Variants in MYH9 observed in about 807,000 individuals in gnomAD.
MYH9 encodes myosin heavy chain 9, also known as myosin-9.
In MYH9, 29 loss-of-function variants were observed where a neutral mutation model predicts 241.9. That is an observed-to-expected ratio of 0.12 (90% confidence interval 0.09 to 0.16). The LOEUF is 0.16. Ranked by LOEUF, MYH9 falls within the 10% of genes least tolerant of loss-of-function variation. MYH9 has a pLI of 1.00. For missense variants in MYH9, 1,803 were observed against 2,595.5 expected, an observed-to-expected ratio of 0.69 and a Z score of 6.63; for synonymous variants, 1,047 against 1,062.6, an observed-to-expected ratio of 0.99 and a Z score of 0.29.
At position 36,320,676 on chromosome 22, in the gene MYH9, A is replaced by T; in HGVS notation, c.868+122T>A. The stretch of plus-strand genomic sequence containing the variant: ...GGCGCAGAGAACAGGAGTCACTCTC[A>T]CTTCTCCCCGTTAAACCCAAGGCCA... On this transcript the variant is annotated intron_variant, in intron 8 of 40. Transcript: ENST00000216181. This position sits in a 1 kb window ranked among gnomAD's most constrained non-coding sequence, Gnocchi z 4.8. 1.2e-6 allele frequency: 1 copy of T among 828,972 alleles called. No homozygotes were observed. Among genetic ancestry groups the T allele is most frequent in the Non-Finnish European group, 2.0e-6 (1 of 500,940 alleles). 51.4% of individuals were successfully genotyped at this position (828,972 alleles called of 1,614,324 possible).
intron 11 of MYH9, among the ~76,000 whole-genome samples, chr22:36,317,491 A>G (rs945924580): frequency 5.3e-5 from 8 of 152,216 alleles, no homozygotes; most frequent in African/African-American, 1.4e-4. Context: ...TGTCTTTTGA[A>G]AACAACAGTC....
At chr22:36,357,348 GA>G in intron 1 of MYH9, among the ~76,000 whole-genome samples, 1 of 152,330 alleles carries the variant, frequency 6.6e-6, no homozygotes, top group Non-Finnish European at 1.5e-5. Flanking sequence ...CGTACAGGAA[GA>G]AGGTACGATC....
intron 13 of MYH9, among the ~76,000 whole-genome samples, chr22:36,313,762 G>A (rs757401574): frequency 1.1e-4 from 17 of 152,166 alleles, no homozygotes; most frequent in African/African-American, 1.7e-4. Context: ...AAAGCAGCCC[G>A]CGATAGGGCC....
At chr22:36,324,745 A>C (rs2017309004) in intron 5 of MYH9, among the ~76,000 whole-genome samples, 1 of 152,218 alleles carries the variant, frequency 6.6e-6, no homozygotes, top group African/African-American at 2.4e-5. Flanking sequence ...TGACAGCCTG[A>C]GCTATGACTG....
chr22:36,293,141 T>C lies in MYH9; in HGVS notation c.4095+188A>G, dbSNP rs144610935. ...ATAGTGAAAATAGTGGTGTCCCCCATCTAAGTCCACAGATCCCTGGATTCC... is the reference window on the plus strand; with the variant it reads ...ATAGTGAAAATAGTGGTGTCCCCCACCTAAGTCCACAGATCCCTGGATTCC... On this transcript the variant is annotated intron_variant, in intron 30 of 40. Coordinates refer to ENST00000216181, the MANE Select transcript of MYH9 (RefSeq NM_002473.6). The surrounding 1 kb of genome is among the most constrained non-coding windows in gnomAD (Gnocchi z 5.1). 7.7e-4 allele frequency among the ~76,000 whole-genome samples: 118 copies of C among 152,352 alleles called. No homozygotes were observed. The highest frequency in any genetic ancestry group is 1.6e-3 in the Non-Finnish European group (109 of 68,036).
At position 36,284,385 on chromosome 22, in the gene MYH9, C is replaced by T; in HGVS notation, c.5592+18G>A. On this transcript the variant is annotated intron_variant, in intron 39 of 40. Coordinates refer to ENST00000216181, the MANE Select transcript of MYH9 (RefSeq NM_002473.6). ...CCCAGCCCCGCTGCCCTTCTCACTG[C>T]CCCACCAGCGCCCACACCTGGTCCT... The T allele has an allele frequency of 6.2e-7, 1 of 1,610,808 alleles. No homozygotes were observed. Among genetic ancestry groups the T allele is most frequent in the Non-Finnish European group, 8.5e-7 (1 of 1,179,770 alleles).
In MYH9 at chr22:36,328,783, G is replaced by T. The variant is rs1288061580; in HGVS notation, c.491-1295C>A. The T allele has an allele frequency of 2.6e-5, 4 of 152,388 alleles. 1 individual carries two copies. The highest frequency in any genetic ancestry group is 9.6e-5 in the African/African-American group (4 of 41,596). 9.4% of individuals were successfully genotyped at this position (152,388 alleles called of 1,614,324 possible). On this transcript the variant is annotated intron_variant, in intron 3 of 40. Coordinates refer to ENST00000216181, the MANE Select transcript of MYH9 (RefSeq NM_002473.6). ...TGGGTGGAAACACGGATTCAGCGAC[G>T]TGTGAAGGACACACTGAGTGGCTCG...
At position 36,320,269 on chromosome 22, in the gene MYH9, C is replaced by T; in HGVS notation, c.963G>A (p.Glu321=). 1 of 1,614,238 alleles carries T rather than the reference C, an allele frequency of 6.2e-7. No homozygotes were observed. The highest frequency in any genetic ancestry group is 8.5e-7 in the Non-Finnish European group (1 of 1,180,042). ...PGQQDKDMFQ[E]TMEAMRIMGI... is the part of the protein sequence containing the mutation. Reference sequence around the variant, plus strand: ...CCATAATCCTCATGGCCTCCATGGTCTCCTGGAACATGTCCTTGTCCTGCT... The same window carrying T: ...CCATAATCCTCATGGCCTCCATGGTTTCCTGGAACATGTCCTTGTCCTGCT... Residue 321 remains glutamate, a synonymous_variant, in exon 9 of 41, where the codon GAG becomes GAA. Transcript: ENST00000216181. This position sits in a 1 kb window ranked among gnomAD's most constrained non-coding sequence, Gnocchi z 4.8.
At chr22:36,380,441 T>TA (rs1424132010) in intron 1 of MYH9, among the ~76,000 whole-genome samples, 1 of 151,960 alleles carries the variant, frequency 6.6e-6, no homozygotes. Context: ...GACCCCAAGT[T>TA]AAAAAAGAAG....
chr22:36,316,035 C>CTTT (rs144026849), intron 12 of MYH9, among the ~76,000 whole-genome samples: 10 of 116,954 alleles, frequency 8.6e-5, no homozygotes, highest in Non-Finnish European at 1.0e-4. Context: ...GAGACCCTGA[C>CTTT]TTTTTTTTTT....
chr22:36,319,745 AC>A (rs1197000665), intron 9 of MYH9, 110 bp from the exon 10 acceptor site: 61 of 1,074,828 alleles, frequency 5.7e-5, no homozygotes, highest in Non-Finnish European at 7.8e-5. Flanking sequence ...AAGCAGGGAC[AC>A]CCCCCAACTC....
chr22:36,324,430 C>A (rs1287544192), intron 5 of MYH9, among the ~76,000 whole-genome samples: 1 of 152,276 alleles, frequency 6.6e-6, no homozygotes, highest in African/African-American at 2.4e-5. Flanking sequence ...AGCTCGTACA[C>A]AAATAACAGA....
intron 12 of MYH9, 23 bp from the exon 13 acceptor site, chr22:36,314,341 C>T (rs748835332): frequency 1.9e-6 from 3 of 1,613,446 alleles, no homozygotes; most frequent in Non-Finnish European, 2.5e-6. Context: ...AAAACAATGT[C>T]AGAGAGACGC....
chr22:36,312,284 A>G lies in MYH9; in HGVS notation c.1555-62T>C. ...CCTGGGAGGGGCACCCCACCCTTCA[A>G]GAAGCCAAAGCCCGGACATCAGAAT... is the stretch of plus-strand genomic sequence containing the variant. On this transcript the variant is annotated intron_variant, in intron 13 of 40. Coordinates refer to ENST00000216181, the MANE Select transcript of MYH9 (RefSeq NM_002473.6). The G allele has an allele frequency of 1.3e-6, 2 of 1,571,964 alleles. 1 individual carries two copies. Among genetic ancestry groups the G allele is most frequent in the South Asian group, 2.2e-5 (2 of 89,756 alleles).
intron 1 of MYH9, among the ~76,000 whole-genome samples, chr22:36,381,343 C>T (rs1238773598): frequency 1.3e-5 from 2 of 151,798 alleles, no homozygotes; most frequent in Non-Finnish European, 2.9e-5. Flanking sequence ...GGTGAAACCC[C>T]GTCTCTACTA....
Position 36,282,529 on chromosome 22 carries a change from T to TG in MYH9, c.*138dup. The TG allele has an allele frequency of 1.2e-6, 1 of 839,402 alleles. No individual in the cohort carries two copies. 52.0% of individuals were successfully genotyped at this position (839,402 alleles called of 1,614,324 possible). On this transcript the variant is annotated 3_prime_UTR_variant, in exon 41 of 41. Transcript: ENST00000216181. ...CAACAACACCTGGAGGGAAACGGGA[T>TG]GGGGGGACGGGGCGGAGGGCAGGAG... is the stretch of plus-strand genomic sequence containing the variant.
At chr22:36,319,957 T>C (rs1476566411) in intron 9 of MYH9, 3 of 607,670 alleles carry the variant, frequency 4.9e-6, no homozygotes, top group African/African-American at 3.7e-5. Flanking sequence ...TTTCAGCAAA[T>C]GGCAAGGGCT....
intron 19 of MYH9, among the ~76,000 whole-genome samples, chr22:36,303,653 G>A (rs377572800): frequency 4.6e-5 from 7 of 151,942 alleles, no homozygotes; most frequent in East Asian, 3.9e-4. Context: ...GCGTGGTGGC[G>A]TGCACCTGTA....
Position 36,285,148 on chromosome 22 carries a change from A to C in MYH9, c.5456T>G (p.Leu1819Arg), listed in dbSNP as rs368440234. The C allele has an allele frequency of 7.3e-5, 118 of 1,614,006 alleles. No individual in the cohort carries two copies. The highest frequency in any genetic ancestry group is 9.5e-5 in the Non-Finnish European group (112 of 1,180,034). ...ITALEAKIAQ[L>R]EEQLDNETKE... is the part of the protein sequence containing the mutation. ...GGTCTCGTTGTCCAGCTGCTCCTCC[A>C]GCTGTGCAATCTTGGCCTCGAGGGC... The change falls in exon 38 of 41, where the codon CTG (leucine) becomes CGG (arginine). Residue 1819 changes from leucine to arginine, a missense_variant. Coordinates refer to ENST00000216181, the MANE Select transcript of MYH9 (RefSeq NM_002473.6). The surrounding 1 kb of genome is among the most constrained non-coding windows in gnomAD (Gnocchi z 7.0).
Sources: gnomAD v4.1 joint callset for allele counts (sites outside exome capture counted in the v4.1 genomes callset) on GRCh38, gnomAD v4.1.1 for gene constraint, Gnocchi (gnomAD v3.1) non-coding constraint, MANE v1.5 for transcripts, NCBI Gene and HGNC (gene_info 2026-07-23, HGNC 2026-07-21) for gene names.